The following TUSC3 variants were observed in gnomAD, a reference collection of about 807,000 sequenced individuals.
The protein encoded by TUSC3 is dolichyl-diphosphooligosaccharide--protein glycosyltransferase subunit TUSC3.
Under a neutral mutation model 44.8 loss-of-function variants are expected in TUSC3, and 45 were observed. The observed-to-expected ratio is 1.00, with a 90% CI of 0.79 to 1.29. TUSC3 has a LOEUF of 1.29. Ranked by LOEUF, TUSC3 falls within the 50% of genes most tolerant of loss-of-function variation. TUSC3 has a pLI of 0.00. For synonymous variants in TUSC3, 212 were observed against 152.9 expected, an observed-to-expected ratio of 1.39 and a Z score of -2.85; for missense variants, 519 against 437.9, an observed-to-expected ratio of 1.19 and a Z score of -1.65.
At chr8:15,503,988 T>C (rs1402176342) in intron 2 of TUSC3, among the ~76,000 whole-genome samples, 1 of 138,520 alleles carries the variant, frequency 7.2e-6, no homozygotes, top group Non-Finnish European at 1.5e-5. Flanking sequence ...CTCTCCAGCC[T>C]GGGCAACAGA....
chr8:15,603,368 T>C (rs1361990390), intron 1 of TUSC3, among the ~76,000 whole-genome samples: 3 of 151,596 alleles, frequency 2.0e-5, no homozygotes, highest in Non-Finnish European at 3.0e-5. Context: ...ACAGTGTTAG[T>C]GTTGATAAGT....
chr8:15,726,261 GA>G lies in TUSC3; in HGVS notation c.799-4404del, dbSNP rs1425342085. On this transcript the variant is annotated intron_variant, in intron 6 of 10. Coordinates refer to ENST00000503731, the MANE Select transcript of TUSC3 (RefSeq NM_006765.4). ...ATTCATTCTTGATATTGCCATATAAGAGGTATAGAAACACTAATATTAAACA... is the reference window on the plus strand; with the variant it reads ...ATTCATTCTTGATATTGCCATATAAGGGTATAGAAACACTAATATTAAACA... 2.0e-5 allele frequency among the ~76,000 whole-genome samples: 3 copies of G among 151,912 alleles called. No homozygotes were observed. The East Asian group carries it at 5.8e-4, about 29-fold the overall frequency.
intron 10 of TUSC3, among the ~76,000 whole-genome samples, chr8:15,760,331 A>G (rs1241471935): frequency 6.6e-6 from 1 of 152,132 alleles, no homozygotes; most frequent in Admixed American, 6.6e-5. Flanking sequence ...TAAGCTGCTT[A>G]TTTTTCTTTT....
chr8:15,475,525 A>T (rs1236268897), intron 1 of TUSC3, among the ~76,000 whole-genome samples: 1 of 152,180 alleles, frequency 6.6e-6, no homozygotes, highest in East Asian at 1.9e-4. Context: ...TCCCCTAGAT[A>T]AACATTGAGA....
chr8:15,808,585 C>T, the TUSC3 span, among the ~76,000 whole-genome samples: 6 of 152,098 alleles, frequency 3.9e-5, no homozygotes, highest in East Asian at 1.9e-4. Context: ...GACCTGCCAT[C>T]GTTACATCTT....
At chr8:15,446,620 G>A (rs544040141) in intron 1 of TUSC3, among the ~76,000 whole-genome samples, 60 of 151,568 alleles carry the variant, frequency 4.0e-4, no homozygotes, top group Admixed American at 1.2e-3. Flanking sequence ...CCAGGCGCTC[G>A]GCAGGCTGAG....
intron 7 of TUSC3, among the ~76,000 whole-genome samples, chr8:15,738,008 A>G (rs928195610): frequency 6.6e-6 from 1 of 152,134 alleles, no homozygotes; most frequent in Non-Finnish European, 1.5e-5. Flanking sequence ...GAGTTAAAAA[A>G]TGTATCTTTA....
intron 2 of TUSC3, among the ~76,000 whole-genome samples, chr8:15,484,451 A>T (rs1245252400): frequency 6.6e-6 from 1 of 152,242 alleles, no homozygotes; most frequent in African/African-American, 2.4e-5. Flanking sequence ...TTTTCTTTAC[A>T]TGTGCCAGCA....
chr8:15,494,727 C>G (rs996976713), intron 2 of TUSC3, among the ~76,000 whole-genome samples: 10 of 152,158 alleles, frequency 6.6e-5, no homozygotes, highest in Non-Finnish European at 1.3e-4. Flanking sequence ...ACAGAATATC[C>G]AGACAGAACG....
intron 1 of TUSC3, among the ~76,000 whole-genome samples, chr8:15,556,294 T>A (rs1285565279): frequency 2.1e-5 from 3 of 141,758 alleles, no homozygotes; most frequent in Admixed American, 7.1e-5. Flanking sequence ...ACTGAGAATG[T>A]TTTCCAATTT....
In TUSC3 at chr8:15,764,388, G is replaced by C; in HGVS notation, c.*232G>C. The C allele has an allele frequency of 1.6e-6, 1 of 644,468 alleles. No individual in the cohort carries two copies. The highest frequency in any genetic ancestry group is 2.7e-6 in the Non-Finnish European group (1 of 374,592). The allele number at this position is 644,468 out of a possible 1,614,324, so 39.9% of individuals were successfully genotyped here. A position where few individuals can be genotyped will look rare whatever the true frequency, so the allele number is the denominator to read the frequency against. ...ATTTAATTTACAGAAATCAATGGTA[G>C]CATTTAGTAATCTACAAAGGAAATA... On this transcript the variant is annotated 3_prime_UTR_variant, in exon 11 of 11. Coordinates refer to ENST00000503731, the MANE Select transcript of TUSC3 (RefSeq NM_006765.4).
intron 3 of TUSC3, among the ~76,000 whole-genome samples, chr8:15,656,348 G>A (rs1807163347): frequency 2.0e-5 from 3 of 152,040 alleles, no homozygotes; most frequent in Admixed American, 2.0e-4. Flanking sequence ...CTGTGTATCT[G>A]AAATCAAACA....
At chr8:15,730,951 T>C (rs900786512) in intron 7 of TUSC3, among the ~76,000 whole-genome samples, 3 of 152,100 alleles carry the variant, frequency 2.0e-5, no homozygotes, top group Admixed American at 1.3e-4. Flanking sequence ...TTTTACTGAG[T>C]GTTGAATTTC....
At chr8:15,720,721 G>A (rs1220018401) in intron 6 of TUSC3, among the ~76,000 whole-genome samples, 1 of 152,194 alleles carries the variant, frequency 6.6e-6, no homozygotes, top group South Asian at 2.1e-4. Context: ...CCATATAAGA[G>A]AAGTTTCAAG....
chr8:15,666,408 C>T (rs1380783666), intron 5 of TUSC3, among the ~76,000 whole-genome samples: 1 of 151,354 alleles, frequency 6.6e-6, no homozygotes, highest in Admixed American at 6.6e-5. Context: ...ATTCATACAC[C>T]TTCATGTTTC....
At chr8:15,479,539 G>T (rs941625096) in intron 1 of TUSC3, among the ~76,000 whole-genome samples, 2 of 152,196 alleles carry the variant, frequency 1.3e-5, no homozygotes, top group Middle Eastern at 3.4e-3. Flanking sequence ...ATTAGTTAAG[G>T]AATCCTTTTC....
chr8:15,622,791 C>G (rs1805308493), intron 1 of TUSC3, among the ~76,000 whole-genome samples: 1 of 149,822 alleles, frequency 6.7e-6, no homozygotes, highest in Admixed American at 6.7e-5. Context: ...ATAGCAAGAG[C>G]TTACTTTTCT....
chr8:15,638,951 G>GTGGGATTTTAT (rs1563147802), intron 2 of TUSC3, among the ~76,000 whole-genome samples: 3 of 151,066 alleles, frequency 2.0e-5, no homozygotes, highest in Admixed American at 2.0e-4. Flanking sequence ...CAGAGCTTCA[G>GTGGGATTTTAT]TGATGATGAT....
At chr8:15,658,194 T>C (rs1585200937) in intron 3 of TUSC3, among the ~76,000 whole-genome samples, 1 of 152,302 alleles carries the variant, frequency 6.6e-6, no homozygotes, top group Admixed American at 6.5e-5. Flanking sequence ...CTAATGTAGA[T>C]AACATGGAGG....
Sources: gnomAD v4.1 joint callset for allele counts (sites outside exome capture counted in the v4.1 genomes callset) on GRCh38, gnomAD v4.1.1 for gene constraint, MANE v1.5 for transcripts, NCBI Gene and HGNC (gene_info 2026-07-23, HGNC 2026-07-21) for gene names.